FURIN: variants seen among roughly 807,000 people sequenced by gnomAD.
FURIN encodes the protein furin, paired basic amino acid cleaving enzyme.
Under a neutral mutation model 89.2 loss-of-function variants are expected in FURIN, and 18 were observed. The ratio of observed to expected loss-of-function variants is 0.20; its 90% CI spans 0.14 to 0.30. The LOEUF (loss-of-function observed/expected upper bound fraction) is 0.30. Ranked by LOEUF, FURIN falls within the 10% of genes least tolerant of loss-of-function variation. The probability of loss-of-function intolerance (pLI) is 1.00; values close to 1 mark genes in which losing one functional copy is unlikely to be tolerated. For synonymous variants in FURIN, 508 were observed against 466.4 expected (o/e 1.09, Z -1.15); for missense variants, 879 against 1,100.5 (o/e 0.80, Z 2.85).
chr15:90,873,610 C>T (rs1036016506), intron 1 of FURIN, among the ~76,000 whole-genome samples: 2 of 151,910 alleles, frequency 1.3e-5, no homozygotes, highest in Non-Finnish European at 2.9e-5. Context: ...GGTCCCACAT[C>T]CTCTGTTAAA....
At chr15:90,872,135 G>A (rs2031347489) in intron 1 of FURIN, among the ~76,000 whole-genome samples, 1 of 151,384 alleles carries the variant, frequency 6.6e-6, no homozygotes, top group Non-Finnish European at 1.5e-5. Context: ...GGGGCGAGGC[G>A]GGGGCTCCTT....
In FURIN at chr15:90,877,566, C is replaced by T. The variant is rs1461228461; in HGVS notation, c.618C>T (p.Ala206=). ...TRCAGEVAAV[A]NNGVCGVGVA... ...GTGCGGGGGAAGTGGCTGCGGTGGC[C>T]AACAACGGTGTCTGTGGTGTAGGTG... The change falls in exon 7 of 16, where the codon GCC becomes GCT. Residue 206 remains alanine, a synonymous_variant. Coordinates refer to ENST00000268171, the MANE Select transcript of FURIN (RefSeq NM_002569.4). 6.3e-7 allele frequency: 1 copy of T among 1,579,484 alleles called. No homozygotes were observed. Among genetic ancestry groups the T allele is most frequent in the Non-Finnish European group, 8.6e-7 (1 of 1,162,854 alleles).
At chr15:90,870,947 G>C (rs1223100565) in intron 1 of FURIN, among the ~76,000 whole-genome samples, 1 of 152,150 alleles carries the variant, frequency 6.6e-6, no homozygotes. Flanking sequence ...GCAAGCGGTT[G>C]GTGTCTAAAA....
At chr15:90,878,054 G>A in intron 7 of FURIN, 78 bp from the exon 8 acceptor site, 6 of 1,429,542 alleles carry the variant, frequency 4.2e-6, no homozygotes, top group African/African-American at 4.2e-5. Flanking sequence ...GTGCAGGGCT[G>A]GGTGTGCTCC....
Position 90,881,309 on chromosome 15 carries a change from C to G in FURIN, c.1816C>G (p.His606Asp). Residue 606 changes from histidine to aspartate, a missense_variant, in exon 16 of 16, where the codon CAC becomes GAC. This residue lies in a region of FURIN where 457 missense variants were observed against 490.7 expected (regional missense o/e 0.93). Transcript: ENST00000268171. The surrounding 1 kb of genome is among the most constrained non-coding windows in gnomAD (Gnocchi z 4.3). ...CVVCEEGFSLHQKSCVQHCPP... is the reference protein window; with the variant it reads ...CVVCEEGFSLDQKSCVQHCPP... ...AGTGTGCGAGGAAGGCTTCTCCCTGCACCAGAAGAGCTGTGTCCAGCACTG... is the reference window on the plus strand; with the variant it reads ...AGTGTGCGAGGAAGGCTTCTCCCTGGACCAGAAGAGCTGTGTCCAGCACTG... 6.2e-7 allele frequency: 1 copy of G among 1,605,626 alleles called. No homozygotes were observed. The highest frequency in any genetic ancestry group is 8.5e-7 in the Non-Finnish European group (1 of 1,174,518).
At chr15:90,880,043 C>G in intron 12 of FURIN, 51 bp from the exon 13 acceptor site, 1 of 1,603,078 alleles carries the variant, frequency 6.2e-7, no homozygotes, top group South Asian at 1.1e-5. Flanking sequence ...GCAGGGGGTG[C>G]CCGCTGGTCC....
In FURIN at chr15:90,877,218, A is replaced by G. The variant is rs766304362; in HGVS notation, c.578+7A>G. 3.1e-6 allele frequency: 5 copies of G among 1,598,146 alleles called. No homozygotes were observed. The South Asian group carries it at 5.6e-5, about 18-fold the overall frequency. Reference sequence around the variant, plus strand: ...CACAGATGAATGACAACAGGTAAGAAGTGGCAGGCCCCGGTCTCTGCCTCC... The same window carrying G: ...CACAGATGAATGACAACAGGTAAGAGGTGGCAGGCCCCGGTCTCTGCCTCC... On this transcript the variant is annotated splice_region_variant and intron_variant, in intron 6 of 15. Transcript: ENST00000268171.
chr15:90,873,754 C>A (rs1445484348), intron 1 of FURIN, among the ~76,000 whole-genome samples: 1 of 152,184 alleles, frequency 6.6e-6, no homozygotes, highest in Non-Finnish European at 1.5e-5. Flanking sequence ...CCGAGGCCTG[C>A]CCTGGAAGTC....
chr15:90,871,020 T>C (rs1440154617), intron 1 of FURIN, among the ~76,000 whole-genome samples: 1 of 152,204 alleles, frequency 6.6e-6, no homozygotes, highest in Non-Finnish European at 1.5e-5. Flanking sequence ...TCCACCTGTC[T>C]ATACAAATGC....
Position 90,880,679 on chromosome 15 carries a change from T to C in FURIN, c.1557-12T>C. 1.2e-6 allele frequency: 2 copies of C among 1,608,912 alleles called. No individual in the cohort carries two copies. Among genetic ancestry groups the C allele is most frequent in the East Asian group, 2.2e-5 (1 of 44,830 alleles). On this transcript the variant is annotated splice_polypyrimidine_tract_variant and intron_variant, in intron 13 of 15. Transcript: ENST00000268171. Reference sequence around the variant, plus strand: ...GCAGAGGCCTCAGGGCTGTGTGCACTCCCCTCCCCAGGCCACATGACTACT... The same window carrying C: ...GCAGAGGCCTCAGGGCTGTGTGCACCCCCCTCCCCAGGCCACATGACTACT...
chr15:90,879,537 G>C lies in FURIN; in HGVS notation c.1147G>C (p.Glu383Gln), dbSNP rs2031820844. 1.2e-6 allele frequency: 2 copies of C among 1,610,482 alleles called. No homozygotes were observed. The highest frequency in any genetic ancestry group is 3.3e-5 in the Admixed American group (2 of 60,002). ...LAAGIIALTL[E>Q]ANKNLTWRDM... is the part of the protein sequence containing the mutation. ...AGCCGGCATCATTGCTCTCACCCTG[G>C]AGGCCAAGTAAGTGGGTGGGGGCCA... The change falls in exon 10 of 16, where the codon GAG (glutamate) becomes CAG (glutamine). Residue 383 changes from glutamate to glutamine, a missense_variant. Glu to Gln is a conservative substitution (Grantham distance 29). Transcript: ENST00000268171.
At position 90,882,024 on chromosome 15, in the gene FURIN, C is replaced by T. The variant is rs2032010945; in HGVS notation, c.*146C>T. 9 of 637,292 alleles carry T rather than the reference C, an allele frequency of 1.4e-5. No homozygotes were observed. Among genetic ancestry groups the T allele is most frequent in the East Asian group, 2.8e-5 (1 of 35,398 alleles). 39.5% of individuals were successfully genotyped at this position (637,292 alleles called of 1,614,324 possible). ...CTGCTTCCCATCCTACCCTCGGGCC[C>T]ACCTGGCCACCTGAGGTGGGCCCAG... is the stretch of plus-strand genomic sequence containing the variant. On this transcript the variant is annotated 3_prime_UTR_variant, in exon 16 of 16. Coordinates refer to ENST00000268171, the MANE Select transcript of FURIN (RefSeq NM_002569.4).
At chr15:90,879,211 C>T (rs539641497) in intron 9 of FURIN, among the ~76,000 whole-genome samples, 12 of 152,218 alleles carry the variant, frequency 7.9e-5, no homozygotes, top group Non-Finnish European at 1.5e-4. Context: ...TTATTCATCT[C>T]CACCCTCTAG....
chr15:90,880,354 G>T (rs1395767562), intron 13 of FURIN, 81 bp downstream of exon 13: 2 of 1,180,734 alleles, frequency 1.7e-6, no homozygotes, highest in Non-Finnish European at 2.4e-6. Flanking sequence ...CGCTCACACG[G>T]CCCAGGGGGC....
chr15:90,879,616 G>A (rs1222033116), intron 10 of FURIN, 55 bp from the exon 11 acceptor site: 13 of 1,561,752 alleles, frequency 8.3e-6, no homozygotes, highest in Non-Finnish European at 1.1e-5. Context: ...TAGGGCAGCT[G>A]GAGAGCTGCT....
intron 1 of FURIN, among the ~76,000 whole-genome samples, chr15:90,872,386 G>C (rs1304193009): frequency 2.6e-5 from 4 of 152,136 alleles, no homozygotes; most frequent in African/African-American, 9.6e-5. Flanking sequence ...CCTGGCCCCT[G>C]GGGTGCAGAC....
intron 1 of FURIN, among the ~76,000 whole-genome samples, chr15:90,873,282 G>A (rs879874499): frequency 5.3e-5 from 8 of 152,084 alleles, no homozygotes; most frequent in Non-Finnish European, 8.8e-5. Flanking sequence ...AGGGAGGCTG[G>A]CCCTCTTTCT....
rs202183883 is a variant in FURIN, at chr15:90,880,100, C to T, written c.1383C>T (p.Ile461=). Reference sequence around the variant, plus strand: ...ATGGTGCTCTCCTGCACAGAGACATCGGGAAACGGCTCGAGGTGCGGAAGA... The same window carrying T: ...ATGGTGCTCTCCTGCACAGAGACATTGGGAAACGGCTCGAGGTGCGGAAGA... ...IIDILTEPKD[I]GKRLEVRKTV... is the part of the protein sequence containing the mutation. The change falls in exon 13 of 16, where the codon ATC becomes ATT. Residue 461 remains isoleucine (I), a synonymous_variant. Transcript: ENST00000268171. 3.1e-5 allele frequency: 49 copies of T among 1,604,068 alleles called. No individual in the cohort carries two copies. Among genetic ancestry groups the T allele is most frequent in the Admixed American group, 1.2e-4 (7 of 59,686 alleles).
chr15:90,872,668 CTG>C (rs1054222269), intron 1 of FURIN, among the ~76,000 whole-genome samples: 1 of 152,212 alleles, frequency 6.6e-6, no homozygotes, highest in Non-Finnish European at 1.5e-5. Context: ...ACCAAGGAAA[CTG>C]AGGCCCAGGG....
Sources: gnomAD v4.1 joint callset for allele counts (sites outside exome capture counted in the v4.1 genomes callset) on GRCh38, gnomAD v4.1.1 for gene constraint, gnomAD v4.1.1 regional missense constraint, Gnocchi (gnomAD v3.1) non-coding constraint, MANE v1.5 for transcripts, NCBI Gene and HGNC (gene_info 2026-07-23, HGNC 2026-07-21) for gene names.